Variants in APC2 observed in about 807,000 individuals in gnomAD.
APC2 encodes adenomatous polyposis coli protein 2.
APC2 carries 41 observed loss-of-function variants against 72.5 expected under a neutral mutation model. That is an observed-to-expected ratio of 0.57 (90% confidence interval 0.44 to 0.73). APC2 has a LOEUF of 0.73. Among genes scored for constraint, APC2 ranks in the 30% least tolerant of loss-of-function variants. The probability of loss-of-function intolerance (pLI) is 0.00; values close to 1 mark genes in which losing one functional copy is unlikely to be tolerated. For synonymous variants in APC2, 1,898 were observed against 1,612.0 expected (o/e 1.18, Z -4.25); for missense variants, 3,729 against 3,403.4 (o/e 1.10, Z -2.38).
rs2084132515 is a variant in APC2 at position 1,471,432 on chromosome 19, G to C, written c.*1219G>C. On this transcript the variant is annotated 3_prime_UTR_variant, in exon 15 of 15. Transcript: ENST00000590469. ...CAGGGCTGGAGAGTATTTGGTGCCA[G>C]ATGAGGTGAAAGCTTATAGAAGGGC... 6.6e-6 allele frequency: 1 copy of C among 152,276 alleles called. No individual in the cohort carries two copies. Among genetic ancestry groups the C allele is most frequent in the Non-Finnish European group, 1.5e-5 (1 of 68,092 alleles). 9.4% of individuals were successfully genotyped at this position (152,276 alleles called of 1,614,324 possible).
At position 1,457,007 on chromosome 19, in the gene APC2, C is replaced by T. The variant is rs201709261; in HGVS notation, c.971C>T (p.Thr324Ile). 7,509 of 1,529,890 alleles carry T rather than the reference C, an allele frequency of 4.9e-3. 23 individuals are homozygous for T. The highest frequency in any genetic ancestry group is 9.7e-3 in the Middle Eastern group (54 of 5,580). The allele number at this position is 1,529,890 out of a possible 1,614,324, so 94.8% of individuals were successfully genotyped here. A position where few individuals can be genotyped will look rare whatever the true frequency, so the allele number is the denominator to read the frequency against. Reference sequence around the variant, plus strand: ...CTGCTGCTGCAAATCCTCCACGGCACCGAGGCCGCGGCCGGGGGTCGCGCC... The same window carrying T: ...CTGCTGCTGCAAATCCTCCACGGCATCGAGGCCGCGGCCGGGGGTCGCGCC... ...LPLLLQILHG[T>I]EAAAGGRAGA... The change falls in exon 9 of 15, where the codon ACC (threonine) becomes ATC (isoleucine). Residue 324 changes from threonine to isoleucine, a missense_variant. Coordinates refer to ENST00000590469, the MANE Select transcript of APC2 (RefSeq NM_005883.3).
At position 1,471,227 on chromosome 19, in the gene APC2, G is replaced by A. The variant is rs2084128654; in HGVS notation, c.*1014G>A. ...ACCATCACATGTGGGCGTGGTCAGT[G>A]CCCAGGACCGCACCGCTGCTCATCT... On this transcript the variant is annotated 3_prime_UTR_variant, in exon 15 of 15. Coordinates refer to ENST00000590469, the MANE Select transcript of APC2 (RefSeq NM_005883.3). 1.3e-5 allele frequency: 2 copies of A among 152,592 alleles called. No homozygotes were observed. Among genetic ancestry groups the A allele is most frequent in the Admixed American group, 1.3e-4 (2 of 15,298 alleles). 9.5% of individuals were successfully genotyped at this position (152,592 alleles called of 1,614,324 possible).
At chr19:1,454,717 C>T (rs1317950905) in intron 4 of APC2, among the ~76,000 whole-genome samples, 2 of 152,066 alleles carry the variant, frequency 1.3e-5, no homozygotes, top group African/African-American at 2.4e-5. Flanking sequence ...GCACCCGCCA[C>T]CACGCCCGGC....
intron 6 of APC2, 85 bp downstream of exon 6, chr19:1,455,585 C>G (rs1365361490): frequency 1.5e-6 from 2 of 1,335,402 alleles, no homozygotes; most frequent in East Asian, 2.5e-5. Context: ...TGGGCGGGGT[C>G]TGGGGTAATG....
chr19:1,457,884 C>CGGG, intron 9 of APC2, 81 bp from the exon 10 acceptor site: 2 of 1,075,390 alleles, frequency 1.9e-6, no homozygotes, highest in Middle Eastern at 5.9e-4. Context: ...AGGCCTGGGG[C>CGGG]GGGCGGGTTG....
intron 1 of APC2, chr19:1,451,415 C>T (rs148981174): frequency 0.018 from 2,724 of 152,784 alleles, 31 homozygotes; most frequent in Non-Finnish European, 0.025. Context: ...GGTCTCCCTG[C>T]GTGTAGCCCC....
Position 1,462,103 on chromosome 19 carries a change from G to A in APC2, c.1779G>A (p.Ser593=), listed in dbSNP as rs758883470. 66 of 1,612,788 alleles carry A rather than the reference G, an allele frequency of 4.1e-5. No individual in the cohort carries two copies. Among genetic ancestry groups the A allele is most frequent in the Non-Finnish European group, 5.1e-5 (60 of 1,180,024 alleles). Residue 593 remains serine, a synonymous_variant, in exon 14 of 15, where the codon TCG becomes TCA. Coordinates refer to ENST00000590469, the MANE Select transcript of APC2 (RefSeq NM_005883.3). ...STLTYKCQSN[S]LAIIESGGGI... is the part of the protein sequence containing the mutation. The stretch of plus-strand genomic sequence containing the variant: ...TGACCTACAAGTGTCAGAGCAACTC[G>A]CTGGCCATCATCGAGAGCGGCGGCG...
chr19:1,453,840 A>T, intron 4 of APC2, among the ~76,000 whole-genome samples: 1 of 151,860 alleles, frequency 6.6e-6, no homozygotes, highest in East Asian at 1.9e-4. Flanking sequence ...GAGTTCAGAG[A>T]GGATGGGGGA....
chr19:1,446,375 T>C, upstream of APC2: 3 of 984,632 alleles, frequency 3.0e-6, no homozygotes, highest in Non-Finnish European at 3.6e-6. This position sits in a 1 kb window ranked among gnomAD's most constrained non-coding sequence, Gnocchi z 6.1. Flanking sequence ...TGGGGAGGGC[T>C]CCGGGCCGCG....
At position 1,470,379 on chromosome 19, in the gene APC2, C is replaced by G; in HGVS notation, c.*166C>G. The G allele has an allele frequency of 9.5e-7, 1 of 1,051,568 alleles. No homozygotes were observed. The highest frequency in any genetic ancestry group is 1.8e-5 in the South Asian group (1 of 56,410). The allele number at this position is 1,051,568 out of a possible 1,614,324, so 65.1% of individuals were successfully genotyped here. ...CGCCCAGCGCACGGCGACCTCGCGC[C>G]TCACCGGAAGACCTTGCCTCTGTGC... On this transcript the variant is annotated 3_prime_UTR_variant, in exon 15 of 15. Transcript: ENST00000590469.
chr19:1,462,525 G>A (rs1341716135), intron 14 of APC2, among the ~76,000 whole-genome samples: 1 of 151,442 alleles, frequency 6.6e-6, no homozygotes, highest in African/African-American at 2.4e-5. Flanking sequence ...TGTGGTGGCG[G>A]GCACCTGTAA....
At position 1,469,976 on chromosome 19, in the gene APC2, C is replaced by G; in HGVS notation, c.6675C>G (p.Leu2225=). 6.6e-7 allele frequency: 1 copy of G among 1,524,678 alleles called. No homozygotes were observed. Among genetic ancestry groups the G allele is most frequent in the African/African-American group, 1.4e-5 (1 of 71,246 alleles). 94.4% of individuals were successfully genotyped at this position (1,524,678 alleles called of 1,614,324 possible). A position where few individuals can be genotyped will look rare whatever the true frequency, so the allele number is the denominator to read the frequency against. The change falls in exon 15 of 15, where the codon CTC becomes CTG. Residue 2225 remains leucine (L), a synonymous_variant. Coordinates refer to ENST00000590469, the MANE Select transcript of APC2 (RefSeq NM_005883.3). ...PGAPAGGQLS[L]LGSDVDGPSL... is the part of the protein sequence containing the mutation. ...CCCCCGCCGGCGGCCAGCTCTCCCTCCTCGGCAGCGACGTGGACGGTCCCA... is the reference window on the plus strand; with the variant it reads ...CCCCCGCCGGCGGCCAGCTCTCCCTGCTCGGCAGCGACGTGGACGGTCCCA...
intron 4 of APC2, among the ~76,000 whole-genome samples, chr19:1,453,917 A>C (rs551493935): frequency 8.3e-4 from 127 of 152,316 alleles, no homozygotes; most frequent in African/African-American, 2.8e-3. Flanking sequence ...AGGCGTCGCC[A>C]GGGACCGGGC....
Position 1,462,075 on chromosome 19 carries a change from C to T in APC2, c.1751C>T (p.Thr584Ile). 1 of 1,613,092 alleles carries T rather than the reference C, an allele frequency of 6.2e-7. No individual in the cohort carries two copies. Among genetic ancestry groups the T allele is most frequent in the Non-Finnish European group, 8.5e-7 (1 of 1,180,024 alleles). Residue 584 changes from threonine (T) to isoleucine (I), a missense_variant, in exon 14 of 15, where the codon ACC (threonine) becomes ATC (isoleucine). Physicochemically the swap from Thr to Ile is moderately conservative, Grantham distance 89. Coordinates refer to ENST00000590469, the MANE Select transcript of APC2 (RefSeq NM_005883.3). ...GGCGCCCTGGGCTTCCTGGTGAGCA[C>T]CCTGACCTACAAGTGTCAGAGCAAC... The part of the protein sequence containing the change: ...VDGALGFLVS[T>I]LTYKCQSNSL...
rs934488342 is a variant in APC2, at chr19:1,465,761, G to A, written c.2460G>A (p.Pro820=). The change falls in exon 15 of 15, where the codon CCG becomes CCA. Residue 820 remains proline (P), a synonymous_variant. Transcript: ENST00000590469. ...AGGGGCAGGCGCTGGCTCGCACCCCGCCCACCCGCCGAGGCGGCAAGGAGG... is the reference window on the plus strand; with the variant it reads ...AGGGGCAGGCGCTGGCTCGCACCCCACCCACCCGCCGAGGCGGCAAGGAGG... The part of the protein sequence containing the change: ...FLQGQALART[P]PTRRGGKEAE... The A allele has an allele frequency of 2.0e-6, 3 of 1,529,242 alleles. No individual in the cohort carries two copies. In the African/African-American group the frequency reaches 4.1e-5, roughly 21 times the overall value. 94.7% of individuals were successfully genotyped at this position (1,529,242 alleles called of 1,614,324 possible).
At chr19:1,448,783 G>A (rs539523678), upstream of APC2, among the ~76,000 whole-genome samples, 195 of 150,794 alleles carry the variant, frequency 1.3e-3, 2 homozygotes, top group East Asian at 0.023. Context: ...GGCGGAGCTT[G>A]CAGTGAGCCG....
intron 6 of APC2, 23 bp downstream of exon 6, chr19:1,455,523 G>T (rs777904669): frequency 6.3e-7 from 1 of 1,581,832 alleles, no homozygotes; most frequent in African/African-American, 1.3e-5. Context: ...GCGGGGTGGC[G>T]CGGCGGTAGG....
rs975994095 is a variant in APC2, at chr19:1,457,391, G to T, written c.1207+148G>T. 3.3e-6 allele frequency: 4 copies of T among 1,207,574 alleles called. No homozygotes were observed. The East Asian group carries it at 1.2e-4, about 35-fold the overall frequency. 74.8% of individuals were successfully genotyped at this position (1,207,574 alleles called of 1,614,324 possible). ...CCAGGCTCCGGCCGAGGCCTGTGGG[G>T]GCATTTGACGTTGGGAAAAGACCCG... On this transcript the variant is annotated intron_variant, in intron 9 of 14. Coordinates refer to ENST00000590469, the MANE Select transcript of APC2 (RefSeq NM_005883.3).
chr19:1,462,188 AC>A lies in APC2; in HGVS notation c.1853+18del, dbSNP rs746517708. 6.4e-5 allele frequency: 64 copies of A among 993,264 alleles called. No homozygotes were observed. In the African/African-American group the frequency reaches 7.0e-4, roughly 11 times the overall value. The allele number at this position is 993,264 out of a possible 1,614,324, so 61.5% of individuals were successfully genotyped here. On this transcript the variant is annotated intron_variant, in intron 14 of 14. Coordinates refer to ENST00000590469, the MANE Select transcript of APC2 (RefSeq NM_005883.3). Reference sequence around the variant, plus strand: ...CCGTGAGGACTACAGGTCGGCCCCCACCCCCCCACCCGCACACAGGCAGCTG... The same window carrying A: ...CCGTGAGGACTACAGGTCGGCCCCCACCCCCCACCCGCACACAGGCAGCTG...
Sources: gnomAD v4.1 joint callset for allele counts (sites outside exome capture counted in the v4.1 genomes callset) on GRCh38, gnomAD v4.1.1 for gene constraint, Gnocchi (gnomAD v3.1) non-coding constraint, MANE v1.5 for transcripts, NCBI Gene and HGNC (gene_info 2026-07-23, HGNC 2026-07-21) for gene names.